The following RBFOX3 variants were observed in gnomAD, a reference collection of about 807,000 sequenced individuals.
The protein encoded by RBFOX3 is RNA binding fox-1 homolog 3, also known as RNA binding protein fox-1 homolog 3.
RBFOX3 carries 17 observed loss-of-function variants against 48.7 expected under a neutral mutation model. The ratio of observed to expected loss-of-function variants is 0.35; its 90% CI spans 0.24 to 0.52. The LOEUF (loss-of-function observed/expected upper bound fraction) is 0.52, where lower values mean the gene tolerates loss of function less well. Among genes scored for constraint, RBFOX3 ranks in the 20% least tolerant of loss-of-function variants. RBFOX3 has a pLI of 0.94. For synonymous variants in RBFOX3, 212 were observed against 209.5 expected (o/e 1.01, Z -0.10); for missense variants, 382 against 497.5 (o/e 0.77, Z 2.21).
intron 2 of RBFOX3, among the ~76,000 whole-genome samples, chr17:79,386,182 A>G (rs1333736059): frequency 6.7e-6 from 1 of 149,070 alleles, no homozygotes; most frequent in African/African-American, 2.5e-5. Context: ...CTCCTGTAAC[A>G]GATGGGGGTT....
intron 2 of RBFOX3, among the ~76,000 whole-genome samples, chr17:79,328,845 G>A (rs72849074): frequency 0.051 from 7,794 of 152,298 alleles, 283 homozygotes; most frequent in Non-Finnish European, 0.077. Flanking sequence ...AGGGTTAGCC[G>A]TGGTTGCCCA....
intron 3 of RBFOX3, among the ~76,000 whole-genome samples, chr17:79,305,803 C>T (rs1380464222): frequency 6.6e-6 from 1 of 152,212 alleles, no homozygotes. Context: ...TTTGCTCAGG[C>T]TGAATTCCCT....
intron 1 of RBFOX3, among the ~76,000 whole-genome samples, chr17:79,609,088 A>C (rs2093909152): frequency 6.6e-6 from 1 of 152,116 alleles, no homozygotes; most frequent in Non-Finnish European, 1.5e-5. Flanking sequence ...GTCGGTTTTT[A>C]ATTAGTGTAA....
Position 79,115,664 on chromosome 17 carries a change from T to A in RBFOX3, c.52A>T (p.Ile18Phe). The change falls in exon 5 of 15, where the codon ATC (isoleucine) becomes TTC (phenylalanine). Residue 18 changes from isoleucine to phenylalanine, a missense_variant. Ile to Phe is a conservative substitution (Grantham distance 21). Transcript: ENST00000693108. ...GGGGGCGGGGCGTACTCGGCAGGGATGCCGTTCTGTGGCGGAGGGGGGTAC... is the reference window on the plus strand; with the variant it reads ...GGGGGCGGGGCGTACTCGGCAGGGAAGCCGTTCTGTGGCGGAGGGGGGTAC... The part of the protein sequence containing the change: ...AQYPPPPQNG[I>F]PAEYAPPPPH... 2.2e-6 allele frequency: 2 copies of A among 894,684 alleles called. No homozygotes were observed. The highest frequency in any genetic ancestry group is 3.0e-6 in the Non-Finnish European group (2 of 672,716). 55.4% of individuals were successfully genotyped at this position (894,684 alleles called of 1,614,324 possible).
chr17:79,270,820 T>C (rs1167519479), intron 3 of RBFOX3, among the ~76,000 whole-genome samples: 2 of 152,260 alleles, frequency 1.3e-5, no homozygotes, highest in Non-Finnish European at 2.9e-5. Context: ...GGCATGACCA[T>C]GACAATACCT....
At chr17:79,221,940 G>A (rs1322034368) in intron 4 of RBFOX3, among the ~76,000 whole-genome samples, 1 of 152,212 alleles carries the variant, frequency 6.6e-6, no homozygotes, top group African/African-American at 2.4e-5. Context: ...GCAGAGGGCA[G>A]AAATATGAGT....
intron 2 of RBFOX3, among the ~76,000 whole-genome samples, chr17:79,430,144 C>G (rs1325839957): frequency 2.6e-5 from 4 of 152,146 alleles, no homozygotes; most frequent in Admixed American, 6.5e-5. Flanking sequence ...AGCCAGCCGT[C>G]GCTTTGAAGA....
At chr17:79,270,713 G>A (rs4239025) in intron 3 of RBFOX3, among the ~76,000 whole-genome samples, 94,948 of 152,158 alleles carry the variant, frequency 0.62, 30,021 homozygotes, top group South Asian at 0.79. Context: ...CAGTTCTGGC[G>A]GCCCTGTTCC....
At chr17:79,411,071 G>A (rs967479716) in intron 2 of RBFOX3, among the ~76,000 whole-genome samples, 2 of 152,184 alleles carry the variant, frequency 1.3e-5, no homozygotes, top group African/African-American at 4.8e-5. Context: ...TTCCTCCTCT[G>A]TAAAATAAAA....
chr17:79,150,713 A>C (rs1279967986), intron 4 of RBFOX3, among the ~76,000 whole-genome samples: 8 of 151,962 alleles, frequency 5.3e-5, no homozygotes, highest in Non-Finnish European at 1.2e-4. Flanking sequence ...GCAACCCCAC[A>C]CCTGCCCCAC....
At chr17:79,124,623 C>T (rs1675265) in intron 4 of RBFOX3, among the ~76,000 whole-genome samples, 31,695 of 150,874 alleles carry the variant, frequency 0.21, 3,445 homozygotes, top group Middle Eastern at 0.26. Context: ...AGGGATGGCA[C>T]CAGCTCGGGT....
chr17:79,455,268 G>A lies in RBFOX3; in HGVS notation c.-175+27186C>T, dbSNP rs2074282134. On this transcript the variant is annotated intron_variant, in intron 2 of 14. Transcript: ENST00000693108. ...AGACGCGCAGGCTACCGTGACGGGG[G>A]AGCGGAGAGGGGGAGAGGCAGGCCC... is the stretch of plus-strand genomic sequence containing the variant. 2.0e-5 allele frequency among the ~76,000 whole-genome samples: 3 copies of A among 152,220 alleles called. No homozygotes were observed. The South Asian group carries it at 6.2e-4, about 31-fold the overall frequency.
the RBFOX3 span, among the ~76,000 whole-genome samples, chr17:79,640,026 A>T: frequency 5.3e-5 from 8 of 152,162 alleles, no homozygotes; most frequent in Non-Finnish European, 1.2e-4. Flanking sequence ...AAAGAAGTAA[A>T]TTTTTTTCTA....
intron 4 of RBFOX3, among the ~76,000 whole-genome samples, chr17:79,139,021 C>A (rs570389649): frequency 1.4e-4 from 21 of 145,176 alleles, no homozygotes; most frequent in Non-Finnish European, 2.6e-4. Context: ...TGCGTTCATG[C>A]CCTCACCCAC....
chr17:79,652,435 G>A, the RBFOX3 span, among the ~76,000 whole-genome samples: 1 of 149,350 alleles, frequency 6.7e-6, no homozygotes, highest in African/African-American at 2.5e-5. Context: ...GACAAAGCAA[G>A]ATCCTGTCTG....
At chr17:79,240,935 A>G (rs1372744724) in intron 3 of RBFOX3, among the ~76,000 whole-genome samples, 1 of 151,360 alleles carries the variant, frequency 6.6e-6, no homozygotes, top group Non-Finnish European at 1.5e-5. Flanking sequence ...AAGTGCTGGG[A>G]TTACAGGCAT....
At chr17:79,515,952 C>T (rs2085192910) in intron 1 of RBFOX3, 1 of 152,292 alleles carries the variant, frequency 6.6e-6, no homozygotes, top group African/African-American at 2.4e-5. Flanking sequence ...TCGAGGCGCT[C>T]ACCTCCAGGA....
intron 2 of RBFOX3, among the ~76,000 whole-genome samples, chr17:79,318,066 C>T (rs7503228): frequency 6.6e-6 from 1 of 152,232 alleles, no homozygotes; most frequent in Non-Finnish European, 1.5e-5. Flanking sequence ...CAGGCCTCAT[C>T]TCCTAAACTG....
At chr17:79,113,454 G>A (rs183779626) in intron 5 of RBFOX3, among the ~76,000 whole-genome samples, 62 of 152,252 alleles carry the variant, frequency 4.1e-4, no homozygotes, top group Non-Finnish European at 6.9e-4. Context: ...CTGGATGAAA[G>A]ATCTGCAGAC....
Sources: gnomAD v4.1 joint callset for allele counts (sites outside exome capture counted in the v4.1 genomes callset) on GRCh38, gnomAD v4.1.1 for gene constraint, MANE v1.5 for transcripts, NCBI Gene and HGNC (gene_info 2026-07-23, HGNC 2026-07-21) for gene names.